Variants in CSRNP3 observed in about 807,000 individuals in gnomAD.
CSRNP3 encodes the protein cysteine and serine rich nuclear protein 3.
In CSRNP3, 12 loss-of-function variants were observed where a neutral mutation model predicts 48.0. The ratio of observed to expected loss-of-function variants is 0.25; its 90% confidence interval spans 0.16 to 0.41. The LOEUF (loss-of-function observed/expected upper bound fraction) is 0.41. Ranked by LOEUF, CSRNP3 falls within the 10% of genes least tolerant of loss-of-function variation. CSRNP3 has a pLI of 1.00. For synonymous variants in CSRNP3, 263 were observed against 269.7 expected (o/e 0.98, Z 0.24); for missense variants, 580 against 724.4 (o/e 0.80, Z 2.29).
rs1339537320 is a variant in CSRNP3 at position 165,687,350 on chromosome 2, T to G, written c.*7597T>G. The G allele has an allele frequency of 6.6e-6, 1 of 152,092 alleles. No individual in the cohort carries two copies. Among genetic ancestry groups the G allele is most frequent in the Non-Finnish European group, 1.5e-5 (1 of 67,976 alleles). 9.4% of individuals were successfully genotyped at this position (152,092 alleles called of 1,614,324 possible). On this transcript the variant is annotated 3_prime_UTR_variant, in exon 7 of 7. Transcript: ENST00000651982. ...TTGTTTGTTTTTGTGATTGCTCTTA[T>G]GTCGGTAGGTAATGTCAGGAAAAGT... is the stretch of plus-strand genomic sequence containing the variant.
intron 3 of CSRNP3, among the ~76,000 whole-genome samples, chr2:165,571,490 TAC>T (rs1685372529): frequency 6.6e-6 from 1 of 151,896 alleles, no homozygotes; most frequent in African/African-American, 2.4e-5. Flanking sequence ...TACACACACA[TAC>T]ACACACATAT....
At position 165,506,805 on chromosome 2, in the gene CSRNP3, C is replaced by T. The variant is rs75252139; in HGVS notation, c.-112-11068C>T. Among the ~76,000 whole-genome samples the T allele has an allele frequency of 3.2e-3, 494 of 152,212 alleles. 2 individuals carry two copies. Among genetic ancestry groups the T allele is most frequent in the African/African-American group, 0.011 (475 of 41,522 alleles). On this transcript the variant is annotated intron_variant, in intron 2 of 6. Transcript: ENST00000651982. ...CCTGACTGACAACCCTAGCCTGGGC[C>T]GCATACTCTTCACTGAATCAAACAT...
rs1203770121 is a variant in CSRNP3 at position 165,682,530 on chromosome 2, C to A, written c.*2777C>A. On this transcript the variant is annotated 3_prime_UTR_variant, in exon 7 of 7. Transcript: ENST00000651982. ...GGCCAATAGTCAGTATTGAGTTTTT[C>A]TAACCCCAGAATCTGGTTGGGCTTT... 3 of 152,200 alleles carry A rather than the reference C, an allele frequency of 2.0e-5. No homozygotes were observed. Among genetic ancestry groups the A allele is most frequent in the African/African-American group, 7.2e-5 (3 of 41,544 alleles). 9.4% of individuals were successfully genotyped at this position (152,200 alleles called of 1,614,324 possible).
chr2:165,536,548 A>G (rs146979386), intron 3 of CSRNP3, among the ~76,000 whole-genome samples: 92 of 152,064 alleles, frequency 6.1e-4, no homozygotes, highest in Non-Finnish European at 1.1e-3. Flanking sequence ...GATGGTCTCT[A>G]AGATTTTTAT....
At chr2:165,677,054 G>A (rs898070951) in intron 6 of CSRNP3, among the ~76,000 whole-genome samples, 4 of 152,158 alleles carry the variant, frequency 2.6e-5, no homozygotes, top group Non-Finnish European at 5.9e-5. Context: ...TGCAGAAAAT[G>A]AAATTGTACT....
At chr2:165,542,011 C>T (rs1684964423) in intron 3 of CSRNP3, among the ~76,000 whole-genome samples, 3 of 152,304 alleles carry the variant, frequency 2.0e-5, no homozygotes, top group East Asian at 3.9e-4. Context: ...CACCACAGCA[C>T]TGTCCATGCT....
intron 4 of CSRNP3, among the ~76,000 whole-genome samples, chr2:165,612,043 T>C (rs564283445): frequency 4.6e-5 from 7 of 152,120 alleles, no homozygotes; most frequent in Admixed American, 1.3e-4. Flanking sequence ...TTTATCTTTT[T>C]TTCTATAAAA....
rs995496625 is a variant in CSRNP3 at position 165,533,279 on chromosome 2, A to G, written c.-24+15318A>G. 1.3e-5 allele frequency among the ~76,000 whole-genome samples: 2 copies of G among 152,124 alleles called. 1 individual carries two copies. Among genetic ancestry groups the G allele is most frequent in the Admixed American group, 1.3e-4 (2 of 15,258 alleles). On this transcript the variant is annotated intron_variant, in intron 3 of 6. Transcript: ENST00000651982. ...TCACTGAAGAAAAAAATATGGCATG[A>G]ATAACAGTTGTAAATACAAAAGTTC...
At position 165,676,342 on chromosome 2, in the gene CSRNP3, G is replaced by A; in HGVS notation, c.439G>A (p.Glu147Lys). The change falls in exon 6 of 7, where the codon GAA (glutamate) becomes AAA (lysine). Residue 147 changes from glutamate (E) to lysine (K), a missense_variant. Coordinates refer to ENST00000651982, the MANE Select transcript of CSRNP3 (RefSeq NM_001172173.2). ...TAAGAATGGCACAGTAGAATCAGAA[G>A]AAGCCAGCACTCTTACACTGGATGA... is the stretch of plus-strand genomic sequence containing the variant. The part of the protein sequence containing the change: ...MTKNGTVESE[E>K]ASTLTLDDIS... 1 of 1,614,002 alleles carries A rather than the reference G, an allele frequency of 6.2e-7. No individual in the cohort carries two copies. The highest frequency in any genetic ancestry group is 1.3e-5 in the African/African-American group (1 of 75,020).
At chr2:165,582,100 G>A (rs1282003441) in intron 3 of CSRNP3, among the ~76,000 whole-genome samples, 1 of 152,222 alleles carries the variant, frequency 6.6e-6, no homozygotes, top group Non-Finnish European at 1.5e-5. Context: ...ATGCAGAGAA[G>A]CCACTTAACC....
intron 4 of CSRNP3, among the ~76,000 whole-genome samples, chr2:165,615,888 G>GTTTTT (rs957235965): frequency 1.0e-4 from 6 of 59,306 alleles, no homozygotes; most frequent in Admixed American, 2.5e-4. Context: ...TGTTTGTGGG[G>GTTTTT]TTTTTTTTTT....
chr2:165,534,438 A>G (rs964652367), intron 3 of CSRNP3, among the ~76,000 whole-genome samples: 23 of 151,934 alleles, frequency 1.5e-4, no homozygotes, highest in African/African-American at 5.6e-4. Flanking sequence ...TAAATTCTTT[A>G]CAATACTTTT....
chr2:165,506,544 T>C (rs975227870), intron 2 of CSRNP3, among the ~76,000 whole-genome samples: 2 of 152,104 alleles, frequency 1.3e-5, no homozygotes, highest in South Asian at 4.1e-4. Flanking sequence ...GGGATTCGGC[T>C]CCCAGAAGGC....
intron 1 of CSRNP3, among the ~76,000 whole-genome samples, chr2:165,476,792 G>A (rs974661292): frequency 4.6e-5 from 7 of 152,212 alleles, no homozygotes; most frequent in Admixed American, 1.3e-4. Flanking sequence ...ATCTACCTGG[G>A]TAGTATTGTG....
intron 3 of CSRNP3, among the ~76,000 whole-genome samples, chr2:165,533,144 T>A (rs1684837479): frequency 6.6e-6 from 1 of 152,124 alleles, no homozygotes; most frequent in Admixed American, 6.6e-5. Context: ...TTCTTTTACA[T>A]CCAGTAGAGT....
chr2:165,509,772 C>G (rs1360214665), intron 2 of CSRNP3, among the ~76,000 whole-genome samples: 1 of 152,248 alleles, frequency 6.6e-6, no homozygotes, highest in African/African-American at 2.4e-5. Context: ...AAACAAGGTA[C>G]AGACTCTTCA....
At chr2:165,653,948 G>T (rs1686958911) in intron 4 of CSRNP3, among the ~76,000 whole-genome samples, 1 of 111,994 alleles carries the variant, frequency 8.9e-6, no homozygotes, top group African/African-American at 3.7e-5. Context: ...CTCCAGTCTG[G>T]GCAACAAGAG....
Position 165,688,889 on chromosome 2 carries a change from ATTG to A in CSRNP3, c.*9139_*9141del, listed in dbSNP as rs1213981998. 1 of 152,014 alleles carries A rather than the reference ATTG, an allele frequency of 6.6e-6. No homozygotes were observed. Among genetic ancestry groups the A allele is most frequent in the African/African-American group, 2.4e-5 (1 of 41,400 alleles). 9.4% of individuals were successfully genotyped at this position (152,014 alleles called of 1,614,324 possible). A position where few individuals can be genotyped will look rare whatever the true frequency, so the allele number is the denominator to read the frequency against. ...TAGTTTTATCTTTCAACTGATTTTT[ATTG>A]TTACTTTTACTCAATATCAACAGTA... On this transcript the variant is annotated 3_prime_UTR_variant, in exon 7 of 7. Transcript: ENST00000651982.
chr2:165,672,728 T>C (rs1190330236), intron 5 of CSRNP3, among the ~76,000 whole-genome samples: 1 of 152,124 alleles, frequency 6.6e-6, no homozygotes, highest in Non-Finnish European at 1.5e-5. Context: ...GTGGACAAAA[T>C]TAGGGAGCTC....
Sources: allele counts gnomAD v4.1 joint callset (sites outside exome capture counted in the v4.1 genomes callset), GRCh38; gene constraint gnomAD v4.1.1; transcripts MANE v1.5; gene names NCBI Gene and HGNC (gene_info 2026-07-23, HGNC 2026-07-21).